ANKMY2: variants seen among roughly 807,000 people sequenced by gnomAD.
ANKMY2 encodes ankyrin repeat and MYND domain containing 2, also known as ankyrin repeat and MYND domain-containing protein 2.
In ANKMY2, 36 loss-of-function variants were observed where a neutral mutation model predicts 50.4. That is an observed-to-expected ratio of 0.71 (90% confidence interval 0.55 to 0.94). ANKMY2 has a LOEUF of 0.94. ANKMY2 is among the 40% of genes least tolerant of loss of function. The pLI is 0.00. For synonymous variants in ANKMY2, 187 were observed against 178.8 expected, an observed-to-expected ratio of 1.05 and a Z score of -0.36; for missense variants, 565 against 524.0, an observed-to-expected ratio of 1.08 and a Z score of -0.76.
chr7:16,626,819 A>G (rs1213150179), intron 3 of ANKMY2, among the ~76,000 whole-genome samples: 1 of 152,232 alleles, frequency 6.6e-6, no homozygotes, highest in African/African-American at 2.4e-5. Flanking sequence ...TTGTCCACAT[A>G]AAGAATCAAT....
intron 4 of ANKMY2, among the ~76,000 whole-genome samples, chr7:16,618,864 T>C (rs1315630662): frequency 6.6e-6 from 1 of 150,584 alleles, no homozygotes; most frequent in Non-Finnish European, 1.5e-5. Flanking sequence ...AAACCGCACA[T>C]GCTTCCTTAA....
At chr7:16,630,236 A>G (rs533707446) in intron 2 of ANKMY2, among the ~76,000 whole-genome samples, 2 of 152,338 alleles carry the variant, frequency 1.3e-5, no homozygotes, top group East Asian at 1.9e-4. Context: ...TCTCACTTTT[A>G]TATTTAAAAT....
In ANKMY2 at chr7:16,609,727, T is replaced by C. The variant is rs1310571793; in HGVS notation, c.785A>G (p.Tyr262Cys). ...KGRASDGFPV[Y>C]QEKIIRESIR... ...ACTTTCTCTAATGATCTTTTCTTGA[T>C]ACACTGGAAAGCCATCAGAAGCTCG... The change falls in exon 7 of 10, where the codon TAT (tyrosine) becomes TGT (cysteine). Residue 262 changes from tyrosine (Y) to cysteine (C), a missense_variant. Tyr to Cys is a radical substitution (Grantham distance 194). Transcript: ENST00000306999. 1.9e-6 allele frequency: 3 copies of C among 1,611,346 alleles called. No individual in the cohort carries two copies. The highest frequency in any genetic ancestry group is 2.5e-6 in the Non-Finnish European group (3 of 1,179,194).
chr7:16,638,058 G>A (rs1376942059), intron 1 of ANKMY2, among the ~76,000 whole-genome samples: 6 of 152,168 alleles, frequency 3.9e-5, no homozygotes, highest in African/African-American at 1.4e-4. Flanking sequence ...ATGTATAATG[G>A]AAAACAAACT....
At chr7:16,602,198 C>T (rs1253637790) in intron 9 of ANKMY2, among the ~76,000 whole-genome samples, 182 bp downstream of exon 9, 2 of 152,128 alleles carry the variant, frequency 1.3e-5, no homozygotes, top group Non-Finnish European at 2.9e-5. Flanking sequence ...CCAGTGATGT[C>T]CAGGCTGACT....
chr7:16,640,121 G>C (rs1583686698), intron 1 of ANKMY2, among the ~76,000 whole-genome samples: 2 of 151,980 alleles, frequency 1.3e-5, no homozygotes, highest in South Asian at 4.1e-4. Context: ...AGTCAAGATC[G>C]CGCCACTGCA....
chr7:16,602,280 C>T, intron 9 of ANKMY2, 100 bp downstream of exon 9: 2 of 1,422,260 alleles, frequency 1.4e-6, no homozygotes, highest in Non-Finnish European at 1.9e-6. Flanking sequence ...CTCCTGAGCT[C>T]CTATGGCTTC....
At position 16,627,030 on chromosome 7, in the gene ANKMY2, A is replaced by G; in HGVS notation, c.271+10T>C. ...TAGGTAACTTATATTTATAAATACTAAAACTTCACCAGAAAGTGCAGCAAA... is the reference window on the plus strand; with the variant it reads ...TAGGTAACTTATATTTATAAATACTGAAACTTCACCAGAAAGTGCAGCAAA... On this transcript the variant is annotated intron_variant, in intron 3 of 9. Transcript: ENST00000306999. 1 of 1,590,612 alleles carries G rather than the reference A, an allele frequency of 6.3e-7. No individual in the cohort carries two copies. Among genetic ancestry groups the G allele is most frequent in the South Asian group, 1.1e-5 (1 of 87,084 alleles).
At chr7:16,604,985 C>T in intron 7 of ANKMY2, 136 bp from the exon 8 acceptor site, 1 of 851,156 alleles carries the variant, frequency 1.2e-6, no homozygotes, top group Non-Finnish European at 1.6e-6. Flanking sequence ...ATAGATTACA[C>T]AGGCTTTAAG....
intron 2 of ANKMY2, among the ~76,000 whole-genome samples, chr7:16,633,222 C>A (rs370299604): frequency 3.2e-5 from 4 of 123,176 alleles, no homozygotes; most frequent in Non-Finnish European, 7.0e-5. Flanking sequence ...CTCGGTGGTA[C>A]GCTTTGAAAC....
intron 7 of ANKMY2, among the ~76,000 whole-genome samples, chr7:16,608,235 T>C (rs953385480): frequency 6.6e-6 from 1 of 152,206 alleles, no homozygotes; most frequent in Non-Finnish European, 1.5e-5. Flanking sequence ...TGGTTGGGCT[T>C]TGATATGTGC....
intron 7 of ANKMY2, among the ~76,000 whole-genome samples, chr7:16,607,860 G>A (rs1298224393): frequency 1.3e-5 from 2 of 151,788 alleles, no homozygotes; most frequent in Admixed American, 6.6e-5. Flanking sequence ...TTGTTCAGAG[G>A]AGGAGTGTTT....
intron 1 of ANKMY2, among the ~76,000 whole-genome samples, chr7:16,637,234 C>T (rs1175986256): frequency 6.6e-6 from 1 of 152,158 alleles, no homozygotes; most frequent in Non-Finnish European, 1.5e-5. Flanking sequence ...GGGAGAAAGG[C>T]TAAGATAAGC....
intron 8 of ANKMY2, among the ~76,000 whole-genome samples, 156 bp from the exon 9 acceptor site, chr7:16,602,665 T>C (rs1053868626): frequency 6.6e-6 from 1 of 152,220 alleles, no homozygotes; most frequent in Non-Finnish European, 1.5e-5. Context: ...TGTTGTCCCC[T>C]CTAAATCTCA....
At position 16,625,056 on chromosome 7, in the gene ANKMY2, C is replaced by G; in HGVS notation, c.297G>C (p.Met99Ile). ...CATCTGTCTCAGCACCAGCTTCTAA[C>G]ATTACCCATGTGATGTCTTTATTAC... ...LSGNKDITWV[M>I]LEAGAETDVV... Residue 99 changes from methionine to isoleucine, a missense_variant, in exon 4 of 10, where the codon ATG becomes ATC. Transcript: ENST00000306999. 6.2e-7 allele frequency: 1 copy of G among 1,614,092 alleles called. No homozygotes were observed. Among genetic ancestry groups the G allele is most frequent in the Non-Finnish European group, 8.5e-7 (1 of 1,179,964 alleles).
At chr7:16,622,980 G>T (rs1379821708) in intron 4 of ANKMY2, among the ~76,000 whole-genome samples, 1 of 152,148 alleles carries the variant, frequency 6.6e-6, no homozygotes, top group Non-Finnish European at 1.5e-5. Flanking sequence ...AGAGCTAACT[G>T]AACTGTGGAA....
intron 5 of ANKMY2, 83 bp from the exon 6 acceptor site, chr7:16,610,846 A>G: frequency 8.5e-7 from 1 of 1,175,252 alleles, no homozygotes; most frequent in Non-Finnish European, 1.2e-6. Context: ...GTTGATTTCA[A>G]AAGATTACCA....
chr7:16,642,652 G>GA (rs879845640), intron 1 of ANKMY2, among the ~76,000 whole-genome samples: 316 of 126,780 alleles, frequency 2.5e-3, no homozygotes, highest in Middle Eastern at 4.0e-3. Flanking sequence ...ACGTATGAAA[G>GA]AAAAAAAAAA....
At chr7:16,622,671 C>T (rs1423440006) in intron 4 of ANKMY2, among the ~76,000 whole-genome samples, 3 of 151,656 alleles carry the variant, frequency 2.0e-5, no homozygotes, top group South Asian at 2.1e-4. Context: ...ACCCGGGAGG[C>T]GGAGGTTGCA....
Sources: allele counts gnomAD v4.1 joint callset (sites outside exome capture counted in the v4.1 genomes callset), GRCh38; gene constraint gnomAD v4.1.1; transcripts MANE v1.5; gene names NCBI Gene and HGNC (gene_info 2026-07-23, HGNC 2026-07-21).